Variants in RGL1 observed in about 807,000 individuals in gnomAD.
RGL1 encodes ral guanine nucleotide dissociation stimulator-like 1.
Under a neutral mutation model 95.2 loss-of-function variants are expected in RGL1, and 24 were observed. The observed-to-expected ratio is 0.25, with a 90% CI of 0.18 to 0.35. The LOEUF is 0.35. Among genes scored for constraint, RGL1 ranks in the 10% least tolerant of loss-of-function variants. The pLI is 1.00. For missense variants in RGL1, 715 were observed against 936.3 expected, an observed-to-expected ratio of 0.76 and a Z score of 3.08; for synonymous variants, 329 against 344.9, an observed-to-expected ratio of 0.95 and a Z score of 0.51.
intron 17 of RGL1, among the ~76,000 whole-genome samples, chr1:183,922,662 G>A (rs1669381133): frequency 6.6e-6 from 1 of 152,186 alleles, no homozygotes; most frequent in Admixed American, 6.5e-5. Context: ...AGGGGAGTCT[G>A]TTGGGCATTG....
At chr1:183,760,700 G>A (rs915085079) in intron 2 of RGL1, among the ~76,000 whole-genome samples, 1 of 151,980 alleles carries the variant, frequency 6.6e-6, no homozygotes, top group Non-Finnish European at 1.5e-5. Context: ...CTGTAGTGAG[G>A]TATGATTGCA....
intron 2 of RGL1, among the ~76,000 whole-genome samples, chr1:183,753,906 A>G (rs1003730011): frequency 2.0e-5 from 3 of 151,352 alleles, no homozygotes; most frequent in Admixed American, 2.0e-4. Context: ...GCTCTTGAAC[A>G]TGGTGTTTTG....
intron 2 of RGL1, among the ~76,000 whole-genome samples, chr1:183,828,909 G>A (rs1444780626): frequency 6.6e-6 from 1 of 152,200 alleles, no homozygotes; most frequent in African/African-American, 2.4e-5. Context: ...GTGAGGAAGA[G>A]AGTTGGAGAG....
intron 12 of RGL1, among the ~76,000 whole-genome samples, chr1:183,903,411 G>A (rs574546580): frequency 6.6e-6 from 1 of 152,246 alleles, no homozygotes; most frequent in East Asian, 1.9e-4. Flanking sequence ...AAATTTTTCT[G>A]TGATTTTCAT....
intron 1 of RGL1, among the ~76,000 whole-genome samples, chr1:183,713,376 A>AACCCCC (rs1553273632): frequency 3.1e-4 from 15 of 48,206 alleles, no homozygotes; most frequent in African/African-American, 4.2e-4. Context: ...ATCTAGAGGC[A>AACCCCC]CCCCCCCCCC....
intron 2 of RGL1, among the ~76,000 whole-genome samples, chr1:183,839,368 C>A (rs1663881923): frequency 6.6e-6 from 1 of 152,136 alleles, no homozygotes; most frequent in African/African-American, 2.4e-5. Context: ...CCTTTCCAGC[C>A]ATCCACACTA....
intron 2 of RGL1, among the ~76,000 whole-genome samples, chr1:183,833,455 C>A (rs985124846): frequency 6.6e-6 from 1 of 152,178 alleles, no homozygotes; most frequent in Non-Finnish European, 1.5e-5. Context: ...TGTTCTGGGT[C>A]TACTGATCGG....
intron 2 of RGL1, among the ~76,000 whole-genome samples, chr1:183,809,216 A>G (rs1661538048): frequency 6.6e-6 from 1 of 152,216 alleles, no homozygotes; most frequent in South Asian, 2.1e-4. Flanking sequence ...AAGATGGAAC[A>G]TAATTTTTGT....
intron 11 of RGL1, among the ~76,000 whole-genome samples, chr1:183,900,464 G>A (rs774482247): frequency 3.9e-5 from 6 of 152,136 alleles, no homozygotes; most frequent in African/African-American, 1.2e-4. Flanking sequence ...AGTAATAATC[G>A]AAATTCAAAC....
At chr1:183,715,802 T>G (rs550804374) in intron 1 of RGL1, among the ~76,000 whole-genome samples, 3 of 151,958 alleles carry the variant, frequency 2.0e-5, no homozygotes, top group Non-Finnish European at 4.4e-5. Context: ...AGAAAGAAAC[T>G]ATAAGGAATT....
intron 1 of RGL1, chr1:183,709,875 C>G (rs145836786): frequency 2.3e-3 from 357 of 155,300 alleles, no homozygotes; most frequent in Non-Finnish European, 2.7e-3. Flanking sequence ...CACACCTGAG[C>G]ACCTGCAGCT....
chr1:183,922,387 C>A, intron 17 of RGL1, 51 bp downstream of exon 17: 1 of 1,313,966 alleles, frequency 7.6e-7, no homozygotes, highest in Non-Finnish European at 1.1e-6. Flanking sequence ...AGGTGGCTAG[C>A]ACATGTCCAC....
At chr1:183,648,906 A>ATG in intron 1 of RGL1, 2 of 749,352 alleles carry the variant, frequency 2.7e-6, no homozygotes, top group Non-Finnish European at 4.3e-6. Context: ...TAAAGGAAGT[A>ATG]GCACAATAAA....
At chr1:183,666,508 T>A (rs1012154679) in intron 1 of RGL1, among the ~76,000 whole-genome samples, 1 of 152,222 alleles carries the variant, frequency 6.6e-6, no homozygotes, top group Admixed American at 6.5e-5. Flanking sequence ...ATTTTCCAGC[T>A]ATCTTTCTTT....
exon 2 of RGL1, chr1:183,742,231 C>T (rs200481076): frequency 1.2e-5 from 20 of 1,614,002 alleles, no homozygotes; most frequent in Admixed American, 5.0e-5. Flanking sequence ...GTAGAAAGCA[C>T]GGGACACTGG....
chr1:183,684,880 G>A (rs915930792), intron 1 of RGL1, among the ~76,000 whole-genome samples: 1 of 152,064 alleles, frequency 6.6e-6, no homozygotes, highest in Non-Finnish European at 1.5e-5. Flanking sequence ...TTGAGAGGAC[G>A]CCCCCACCCT....
At chr1:183,838,181 G>A (rs1663796313) in intron 2 of RGL1, among the ~76,000 whole-genome samples, 1 of 152,186 alleles carries the variant, frequency 6.6e-6, no homozygotes, top group Non-Finnish European at 1.5e-5. Flanking sequence ...TGCTTTCTGG[G>A]AAACTTTGGA....
intron 2 of RGL1, among the ~76,000 whole-genome samples, chr1:183,766,753 C>A (rs1658986947): frequency 6.6e-6 from 1 of 151,184 alleles, no homozygotes; most frequent in Admixed American, 6.6e-5. Context: ...TAGAGGAGAG[C>A]AAAACCAATC....
intron 1 of RGL1, chr1:183,648,043 T>C (rs747872468): frequency 1.2e-6 from 2 of 1,614,128 alleles, no homozygotes; most frequent in South Asian, 1.1e-5. Context: ...GGATTCCTTT[T>C]TGTCTGGAGA....
Sources: gnomAD v4.1 joint callset for allele counts (sites outside exome capture counted in the v4.1 genomes callset) on GRCh38, gnomAD v4.1.1 for gene constraint, MANE v1.5 for transcripts, NCBI Gene and HGNC (gene_info 2026-07-23, HGNC 2026-07-21) for gene names.